Variants in CAMK1D observed in about 807,000 individuals in gnomAD.
The protein encoded by CAMK1D is calcium/calmodulin dependent protein kinase ID, also known as calcium/calmodulin-dependent protein kinase type 1D.
CAMK1D carries 9 observed loss-of-function variants against 47.7 expected under a neutral mutation model. The observed-to-expected ratio is 0.19, with a 90% CI of 0.11 to 0.33. The LOEUF is 0.33. CAMK1D is among the 10% of genes least tolerant of loss of function. The pLI is 1.00. For synonymous variants in CAMK1D, 184 were observed against 184.9 expected (o/e 0.99, Z 0.04); for missense variants, 291 against 488.7 (o/e 0.60, Z 3.81).
At chr10:12,455,420 C>T (rs1006773110) in intron 1 of CAMK1D, among the ~76,000 whole-genome samples, 12 of 152,198 alleles carry the variant, frequency 7.9e-5, no homozygotes, top group East Asian at 1.9e-4. Context: ...GCAGTTCGCC[C>T]GCCTTGGCCT....
chr10:12,774,753 T>C (rs1348790357), intron 5 of CAMK1D, among the ~76,000 whole-genome samples: 5 of 152,214 alleles, frequency 3.3e-5, no homozygotes, highest in Non-Finnish European at 7.3e-5. Flanking sequence ...CAGCAGTAGA[T>C]TCTCATGGGA....
At chr10:12,587,376 C>T (rs554139970) in intron 2 of CAMK1D, among the ~76,000 whole-genome samples, 2 of 152,154 alleles carry the variant, frequency 1.3e-5, no homozygotes, top group South Asian at 4.2e-4. Context: ...GCTAAAAACG[C>T]ATTGACTTCT....
At chr10:12,448,358 T>G (rs1361229251) in intron 1 of CAMK1D, among the ~76,000 whole-genome samples, 1 of 121,044 alleles carries the variant, frequency 8.3e-6, no homozygotes, top group Admixed American at 9.2e-5. Flanking sequence ...TATTTTTATT[T>G]TTGCTTATTT....
At chr10:12,827,583 C>T (rs111313777) in intron 10 of CAMK1D, among the ~76,000 whole-genome samples, 2 of 132,292 alleles carry the variant, frequency 1.5e-5, no homozygotes, top group South Asian at 2.4e-4. Flanking sequence ...CTGCCCTGCC[C>T]TGCCCTGCCT....
rs558706724 is a variant in CAMK1D at position 12,500,241 on chromosome 10, G to C, written c.93-52984G>C. On this transcript the variant is annotated intron_variant, in intron 1 of 10. Coordinates refer to ENST00000619168, the MANE Select transcript of CAMK1D (RefSeq NM_153498.4). ...AGATTGTGCCACTGTACTCCAGCCTGGGCAATAAGAGCAAGACTCTGTTTC... is the reference window on the plus strand; with the variant it reads ...AGATTGTGCCACTGTACTCCAGCCTCGGCAATAAGAGCAAGACTCTGTTTC... Among the ~76,000 whole-genome samples the C allele has an allele frequency of 3.3e-5, 5 of 152,278 alleles. No individual in the cohort carries two copies. The South Asian group carries it at 6.2e-4, about 19-fold the overall frequency.
At chr10:12,510,815 G>T (rs530996273) in intron 1 of CAMK1D, among the ~76,000 whole-genome samples, 83 of 152,348 alleles carry the variant, frequency 5.4e-4, no homozygotes, top group Non-Finnish European at 9.3e-4. Context: ...AGGGAAGACA[G>T]TGCCAATGCA....
intron 1 of CAMK1D, among the ~76,000 whole-genome samples, chr10:12,350,209 C>T (rs1001879448): frequency 3.9e-5 from 6 of 152,202 alleles, no homozygotes; most frequent in African/African-American, 1.4e-4. Flanking sequence ...GCTGCCTTCT[C>T]CCCACGCGTG....
At chr10:12,368,852 C>G (rs1268637204) in intron 1 of CAMK1D, among the ~76,000 whole-genome samples, 1 of 152,054 alleles carries the variant, frequency 6.6e-6, no homozygotes, top group Non-Finnish European at 1.5e-5. Context: ...GAGTCTTGCT[C>G]TGTCTCCCAG....
intron 1 of CAMK1D, among the ~76,000 whole-genome samples, chr10:12,496,454 A>G (rs1038771943): frequency 2.0e-5 from 3 of 152,056 alleles, no homozygotes; most frequent in African/African-American, 7.2e-5. Flanking sequence ...GGGCCTCCAC[A>G]TGTCAGACAG....
chr10:12,552,398 A>G (rs982088293), intron 1 of CAMK1D, among the ~76,000 whole-genome samples: 7 of 152,186 alleles, frequency 4.6e-5, no homozygotes, highest in Admixed American at 2.6e-4. Context: ...ACCACCTGCA[A>G]TACCGCTCAC....
rs548594043 is a variant in CAMK1D at position 12,767,521 on chromosome 10, T to C, written c.439-2152T>C. ...AAGTTTATTTTGCCAAGGTCAAGAA[T>C]GTGCCCATGACACAGCCTCAAGAGA... On this transcript the variant is annotated intron_variant, in intron 4 of 10. Transcript: ENST00000619168. Among the ~76,000 whole-genome samples, 33 of 152,264 alleles carry C rather than the reference T, an allele frequency of 2.2e-4. No individual in the cohort carries two copies. The South Asian group carries it at 5.4e-3, about 25-fold the overall frequency.
At chr10:12,453,886 A>G (rs1217435918) in intron 1 of CAMK1D, among the ~76,000 whole-genome samples, 1 of 152,160 alleles carries the variant, frequency 6.6e-6, no homozygotes, top group Non-Finnish European at 1.5e-5. Flanking sequence ...AGATCTTTTT[A>G]GAATTCTGAG....
At chr10:12,607,173 G>A (rs752803576) in intron 2 of CAMK1D, among the ~76,000 whole-genome samples, 19 of 152,058 alleles carry the variant, frequency 1.2e-4, no homozygotes, top group Non-Finnish European at 2.5e-4. Context: ...TCGTCCATAC[G>A]TGCAGCCACC....
At chr10:12,587,851 A>G (rs528841486) in intron 2 of CAMK1D, among the ~76,000 whole-genome samples, 21 of 152,274 alleles carry the variant, frequency 1.4e-4, no homozygotes, top group African/African-American at 3.8e-4. Flanking sequence ...CCTGTCATCA[A>G]TAAACCCAGA....
chr10:12,514,547 C>T (rs1340060108), intron 1 of CAMK1D, among the ~76,000 whole-genome samples: 1 of 152,186 alleles, frequency 6.6e-6, no homozygotes, highest in East Asian at 1.9e-4. Flanking sequence ...CAGATAAGGC[C>T]TAAAGTCAAG....
chr10:12,782,650 G>A (rs748990436), intron 5 of CAMK1D, among the ~76,000 whole-genome samples: 1 of 152,280 alleles, frequency 6.6e-6, no homozygotes, highest in East Asian at 1.9e-4. Context: ...GGGGGGCATC[G>A]CTTCGTCCCA....
intron 5 of CAMK1D, among the ~76,000 whole-genome samples, chr10:12,773,332 C>T (rs998209967): frequency 5.9e-5 from 9 of 152,176 alleles, no homozygotes; most frequent in African/African-American, 1.9e-4. Context: ...ATACTTCACC[C>T]TCTGCAGATA....
At chr10:12,729,037 T>C (rs1234435845) in intron 3 of CAMK1D, among the ~76,000 whole-genome samples, 4 of 152,202 alleles carry the variant, frequency 2.6e-5, no homozygotes, top group African/African-American at 9.7e-5. Flanking sequence ...GTCAGTGAAA[T>C]AGTTCTTCCT....
intron 2 of CAMK1D, among the ~76,000 whole-genome samples, chr10:12,655,786 G>A (rs1840100539): frequency 6.6e-6 from 1 of 152,240 alleles, no homozygotes; most frequent in Admixed American, 6.5e-5. Context: ...GCTGATGTGG[G>A]AGAAGGAAAA....
Sources: allele counts gnomAD v4.1 joint callset (sites outside exome capture counted in the v4.1 genomes callset), GRCh38; gene constraint gnomAD v4.1.1; transcripts MANE v1.5; gene names NCBI Gene and HGNC (gene_info 2026-07-23, HGNC 2026-07-21).